FMN2: variants seen among roughly 807,000 people sequenced by gnomAD.
The protein encoded by FMN2 is formin 2, also known as formin-2.
Under a neutral mutation model 142.3 loss-of-function variants are expected in FMN2, and 51 were observed. The observed-to-expected ratio is 0.36, with a 90% CI of 0.29 to 0.45. The LOEUF is 0.45. Ranked by LOEUF, FMN2 falls within the 20% of genes least tolerant of loss-of-function variation. The pLI, the probability that FMN2 is intolerant of heterozygous loss-of-function variation, is 1.00. For missense variants in FMN2, 1,936 were observed against 2,122.8 expected (o/e 0.91, Z 1.73); for synonymous variants, 882 against 869.8 (o/e 1.01, Z -0.25).
intron 16 of FMN2, among the ~76,000 whole-genome samples, chr1:240,449,574 T>C (rs1477814491): frequency 6.6e-6 from 1 of 152,212 alleles, no homozygotes; most frequent in Non-Finnish European, 1.5e-5. Context: ...AGAATTACAG[T>C]GTGGTCTTGG....
intron 3 of FMN2, among the ~76,000 whole-genome samples, chr1:240,184,976 TCC>T: frequency 1.4e-5 from 1 of 69,368 alleles, no homozygotes; most frequent in African/African-American, 4.5e-5. Context: ...TCCTATACCT[TCC>T]CCTTCTCTTT....
intron 15 of FMN2, among the ~76,000 whole-genome samples, chr1:240,425,232 A>AGAGAGAGAGAGAGAGAGC (rs1388831863): frequency 3.3e-5 from 5 of 151,514 alleles, no homozygotes; most frequent in African/African-American, 9.7e-5. Context: ...AGAGAGAGAG[A>AGAGAGAGAGAGAGAGAGC]GAGCCGTGAG....
intron 8 of FMN2, among the ~76,000 whole-genome samples, chr1:240,323,524 A>ATCC (rs1354374002): frequency 1.3e-5 from 2 of 152,074 alleles, no homozygotes; most frequent in Non-Finnish European, 2.9e-5. Context: ...ACTCTGTGTC[A>ATCC]TCCTCTTCAA....
chr1:240,228,327 A>AAAAAAGAAAAAGAAAAAG (rs1186396133), intron 6 of FMN2, among the ~76,000 whole-genome samples: 1 of 78,390 alleles, frequency 1.3e-5, no homozygotes, highest in Non-Finnish European at 2.3e-5. Context: ...AAAAAAAAAA[A>AAAAAAGAAAAAGAAAAAG]AAAAAGAAAA....
In FMN2 at chr1:240,093,441, G is replaced by C. The variant is rs571454130; in HGVS notation, c.1332G>C (p.Lys444Asn). ...SQSPNQSPRI[K>N]RRPEPSLSRG... ...CCCCTAATCAGAGCCCCAGGATCAA[G>C]AGGCGGCCGGAACCCTCCCTGAGCC... Residue 444 changes from lysine (K) to asparagine (N), a missense_variant, in exon 1 of 18, where the codon AAG becomes AAC. Transcript: ENST00000319653. The C allele has an allele frequency of 6.2e-7, 1 of 1,613,678 alleles. No homozygotes were observed. Among genetic ancestry groups the C allele is most frequent in the South Asian group, 1.1e-5 (1 of 91,066 alleles).
chr1:240,442,134 TCTC>T lies in FMN2; in HGVS notation c.5060+3930_5060+3932del, dbSNP rs1675641460. Among the ~76,000 whole-genome samples, 8 of 152,144 alleles carry T rather than the reference TCTC, an allele frequency of 5.3e-5. 1 individual carries two copies. Among genetic ancestry groups the T allele is most frequent in the Admixed American group, 5.2e-4 (8 of 15,266 alleles). Reference sequence around the variant, plus strand: ...TTTCAAATGTCCTCTCTCTATTCTTTCTCCTCCTTTTTCCTCTTCTTTCTCTCA... The same window carrying T: ...TTTCAAATGTCCTCTCTCTATTCTTTCTCCTTTTTCCTCTTCTTTCTCTCA... On this transcript the variant is annotated intron_variant, in intron 16 of 17. Coordinates refer to ENST00000319653, the MANE Select transcript of FMN2 (RefSeq NM_020066.5).
chr1:240,384,804 A>G (rs1673358658), intron 14 of FMN2, among the ~76,000 whole-genome samples: 2 of 152,170 alleles, frequency 1.3e-5, no homozygotes, highest in Non-Finnish European at 2.9e-5. Context: ...TCCTGATTTT[A>G]AGTGGGAATA....
intron 15 of FMN2, among the ~76,000 whole-genome samples, chr1:240,404,779 C>T (rs1674094252): frequency 6.6e-6 from 1 of 152,232 alleles, no homozygotes; most frequent in Non-Finnish European, 1.5e-5. Flanking sequence ...ACACCCTTTG[C>T]AGATTTTCTG....
chr1:240,427,307 G>T (rs960216739), intron 15 of FMN2, among the ~76,000 whole-genome samples: 1 of 151,646 alleles, frequency 6.6e-6, no homozygotes, highest in Non-Finnish European at 1.5e-5. Flanking sequence ...CTGGGTTCAC[G>T]CCATTCTCCT....
At chr1:240,284,467 C>T (rs568915322) in intron 7 of FMN2, among the ~76,000 whole-genome samples, 1 of 152,058 alleles carries the variant, frequency 6.6e-6, no homozygotes, top group Non-Finnish European at 1.5e-5. Flanking sequence ...TTTTATTTCT[C>T]TTTAATTCCA....
intron 8 of FMN2, among the ~76,000 whole-genome samples, chr1:240,308,039 GA>G (rs1357891132): frequency 6.6e-6 from 1 of 152,042 alleles, no homozygotes; most frequent in Non-Finnish European, 1.5e-5. Context: ...GTGTTAAAGA[GA>G]AAAAAAGTCA....
intron 6 of FMN2, among the ~76,000 whole-genome samples, chr1:240,241,825 C>CTTCTTTTTTTTTT (rs1667908718): frequency 3.1e-5 from 3 of 96,200 alleles, no homozygotes; most frequent in South Asian, 3.5e-4. Flanking sequence ...GTGTGCCTTG[C>CTTCTTTTTTTTTT]TTTTTTTTTT....
chr1:240,258,164 GAT>G (rs1668513944), intron 7 of FMN2, 132 bp downstream of exon 7: 1 of 636,050 alleles, frequency 1.6e-6, no homozygotes, highest in Non-Finnish European at 2.7e-6. Context: ...CCGTAAGTGT[GAT>G]CAAGCTATCT....
intron 3 of FMN2, among the ~76,000 whole-genome samples, chr1:240,182,278 C>A (rs1382022630): frequency 1.3e-5 from 2 of 152,098 alleles, no homozygotes; most frequent in Non-Finnish European, 2.9e-5. Flanking sequence ...TGAATAGGGA[C>A]TTGATCATTG....
chr1:240,158,857 G>A (rs147534732), intron 2 of FMN2, among the ~76,000 whole-genome samples: 1 of 152,040 alleles, frequency 6.6e-6, no homozygotes, highest in Admixed American at 6.6e-5. Context: ...TAAAGATTGA[G>A]CTAATTAATA....
chr1:240,167,302 G>C (rs530471740), intron 2 of FMN2, among the ~76,000 whole-genome samples: 24 of 151,674 alleles, frequency 1.6e-4, no homozygotes, highest in East Asian at 7.8e-4. Context: ...TATTTTGGGT[G>C]GGGGGGACAG....
At chr1:240,101,327 A>G (rs902375415) in intron 1 of FMN2, among the ~76,000 whole-genome samples, 5 of 152,212 alleles carry the variant, frequency 3.3e-5, no homozygotes, top group East Asian at 1.9e-4. Flanking sequence ...GCTTTCCTTT[A>G]TTGGTAGAGC....
chr1:240,106,837 C>G (rs1445237094), intron 1 of FMN2, among the ~76,000 whole-genome samples: 2 of 151,788 alleles, frequency 1.3e-5, no homozygotes, highest in Non-Finnish European at 1.5e-5. Flanking sequence ...GCGCCCACCA[C>G]CACGCCCAGC....
At chr1:240,188,117 A>T (rs1665556437) in intron 3 of FMN2, 90 bp from the exon 4 acceptor site, 1 of 1,268,904 alleles carries the variant, frequency 7.9e-7, no homozygotes. Flanking sequence ...ATGGTTAATG[A>T]TATATTTTAG....
Sources: gnomAD v4.1 joint callset for allele counts (sites outside exome capture counted in the v4.1 genomes callset) on GRCh38, gnomAD v4.1.1 for gene constraint, MANE v1.5 for transcripts, NCBI Gene and HGNC (gene_info 2026-07-23, HGNC 2026-07-21) for gene names.